SRGAP3: variants seen among roughly 807,000 people sequenced by gnomAD.
SRGAP3 encodes the protein SLIT-ROBO Rho GTPase-activating protein 3.
Under a neutral mutation model 121.1 loss-of-function variants are expected in SRGAP3, and 39 were observed. The observed-to-expected ratio is 0.32, with a 90% CI of 0.25 to 0.42. The LOEUF (loss-of-function observed/expected upper bound fraction) is 0.42. Ranked by LOEUF, SRGAP3 falls within the 10% of genes least tolerant of loss-of-function variation. The pLI, the probability that SRGAP3 is intolerant of heterozygous loss-of-function variation, is 1.00. For synonymous variants in SRGAP3, 601 were observed against 570.0 expected (o/e 1.05, Z -0.77); for missense variants, 1,213 against 1,470.6 (o/e 0.82, Z 2.86).
intron 2 of SRGAP3, among the ~76,000 whole-genome samples, chr3:9,106,427 T>C (rs1003145356): frequency 2.6e-5 from 4 of 152,144 alleles, no homozygotes; most frequent in African/African-American, 4.8e-5. Flanking sequence ...GTGGACCACC[T>C]CCAGGAGCTG....
At chr3:9,336,006 G>A (rs1180070582) in intron 1 of SRGAP3, among the ~76,000 whole-genome samples, 1 of 152,026 alleles carries the variant, frequency 6.6e-6, no homozygotes, top group Non-Finnish European at 1.5e-5. Flanking sequence ...CTATCTCTGG[G>A]GAAAAACACT....
chr3:9,359,335 A>C (rs1359834479), intron 1 of SRGAP3, among the ~76,000 whole-genome samples: 1 of 152,194 alleles, frequency 6.6e-6, no homozygotes, highest in Non-Finnish European at 1.5e-5. Context: ...AGTCTCTTCC[A>C]ACTTGATACC....
rs1003755200 is a variant in SRGAP3, at chr3:9,348,742, A to G, written n.214+14098T>C. On this transcript the variant is annotated intron_variant and non_coding_transcript_variant, in intron 1 of 3. Coordinates refer to the SRGAP3 transcript ENST00000490889. ...GGGGTCTGATCGGTCTCAATAAAGCAGAAACTGCTGCAAAGCATGGTGAGG... is the reference window on the plus strand; with the variant it reads ...GGGGTCTGATCGGTCTCAATAAAGCGGAAACTGCTGCAAAGCATGGTGAGG... The G allele has an allele frequency of 7.6e-6, 10 of 1,321,500 alleles. No individual in the cohort carries two copies. The African/African-American group carries it at 1.4e-4, about 19-fold the overall frequency. The allele number at this position is 1,321,500 out of a possible 1,614,324, so 81.9% of individuals were successfully genotyped here. A position where few individuals can be genotyped will look rare whatever the true frequency, so the allele number is the denominator to read the frequency against.
chr3:9,295,519 A>C (rs1954937864), intron 3 of SRGAP3, among the ~76,000 whole-genome samples: 1 of 152,220 alleles, frequency 6.6e-6, no homozygotes, highest in Non-Finnish European at 1.5e-5. Flanking sequence ...TCATCCTGAG[A>C]GCCCACTAAA....
In SRGAP3 at chr3:8,990,742, G is replaced by A; in HGVS notation, c.2656C>T (p.Pro886Ser). Residue 886 changes from proline (P) to serine (S), a missense_variant, in exon 21 of 22, where the codon CCA (proline) becomes TCA (serine). Physicochemically the swap from Pro to Ser is moderately conservative, Grantham distance 74. Transcript: ENST00000383836. Reference sequence around the variant, plus strand: ...CTGGGGCAGGCAGCAGCCCGGGGTGGTGTGTCTATGCTGGGGCCCAGGCCC... The same window carrying A: ...CTGGGGCAGGCAGCAGCCCGGGGTGATGTGTCTATGCTGGGGCCCAGGCCC... ...PRGLGPSIDT[P>S]PRAAACPSSP... 5.6e-6 allele frequency: 9 copies of A among 1,611,182 alleles called. No homozygotes were observed. The highest frequency in any genetic ancestry group is 1.3e-5 in the African/African-American group (1 of 75,058).
rs189356379 is a variant in SRGAP3 at position 9,040,932 on chromosome 3, G to A, written c.1409-2842C>T. 8.5e-4 allele frequency among the ~76,000 whole-genome samples: 129 copies of A among 152,350 alleles called. 1 individual carries two copies. The highest frequency in any genetic ancestry group is 3.4e-3 in the Middle Eastern group (1 of 294). On this transcript the variant is annotated intron_variant, in intron 10 of 21. Coordinates refer to ENST00000383836, the MANE Select transcript of SRGAP3 (RefSeq NM_014850.4). ...TTGGAAAATACTGTGTTCTGTGAGA[G>A]AAGGAATCTTGTCAGTTCTTAAAAC...
intron 2 of SRGAP3, 42 bp downstream of exon 2, chr3:9,124,683 G>T (rs1160438460): frequency 6.2e-7 from 1 of 1,612,354 alleles, no homozygotes; most frequent in Non-Finnish European, 8.5e-7. Flanking sequence ...GCCCACCCCA[G>T]TGCTGCCTCC....
At chr3:9,246,211 T>C (rs1953817466) in intron 1 of SRGAP3, among the ~76,000 whole-genome samples, 1 of 152,170 alleles carries the variant, frequency 6.6e-6, no homozygotes, top group East Asian at 1.9e-4. Context: ...CAGCACTGTT[T>C]TTAAAAATCA....
At chr3:9,084,390 T>C (rs1324618060) in intron 3 of SRGAP3, among the ~76,000 whole-genome samples, 2 of 152,086 alleles carry the variant, frequency 1.3e-5, no homozygotes, top group African/African-American at 2.4e-5. Context: ...TGTGGTCAAA[T>C]GGAAAGTTTT....
At chr3:9,182,269 T>C (rs550786870) in intron 1 of SRGAP3, among the ~76,000 whole-genome samples, 2 of 151,834 alleles carry the variant, frequency 1.3e-5, no homozygotes, top group African/African-American at 4.8e-5. Flanking sequence ...AAAAGGCTCT[T>C]ATAGAGGTCA....
At chr3:9,051,710 CTT>C (rs36044423) in intron 9 of SRGAP3, among the ~76,000 whole-genome samples, 4,940 of 103,046 alleles carry the variant, frequency 0.048, 224 homozygotes, top group African/African-American at 0.18. Context: ...TTGCTCAATT[CTT>C]TTTTTTTTTT....
At chr3:9,198,197 T>C (rs1022278146) in intron 1 of SRGAP3, among the ~76,000 whole-genome samples, 1 of 152,250 alleles carries the variant, frequency 6.6e-6, no homozygotes, top group Non-Finnish European at 1.5e-5. Flanking sequence ...ATCTGATTTA[T>C]GTTCAGATGT....
chr3:9,356,358 A>AT lies in SRGAP3; in HGVS notation n.214+6481dup, dbSNP rs869098475. Among the ~76,000 whole-genome samples the AT allele has an allele frequency of 3.0e-3, 120 of 39,650 alleles. 5 individuals are homozygous for AT. The highest frequency in any genetic ancestry group is 4.0e-3 in the Non-Finnish European group (107 of 26,588). The allele number at this position is 39,650 out of a possible 152,430, so 26.0% of individuals were successfully genotyped here. A position where few individuals can be genotyped will look rare whatever the true frequency, so the allele number is the denominator to read the frequency against. Reference sequence around the variant, plus strand: ...AGGTATGCACTATCATGGCCAGCTAATTTTTTTTTTTTTTTTTTTTTTTTT... The same window carrying AT: ...AGGTATGCACTATCATGGCCAGCTAATTTTTTTTTTTTTTTTTTTTTTTTTT... On this transcript the variant is annotated intron_variant and non_coding_transcript_variant, in intron 1 of 3. Coordinates refer to the SRGAP3 transcript ENST00000490889.
chr3:9,354,571 A>T (rs1244684580), intron 1 of SRGAP3, among the ~76,000 whole-genome samples: 1 of 151,798 alleles, frequency 6.6e-6, no homozygotes, highest in African/African-American at 2.4e-5. Flanking sequence ...ACTCCCAGCT[A>T]CTGAGGAGGC....
chr3:9,259,549 T>A (rs1050373264), intron 3 of SRGAP3, among the ~76,000 whole-genome samples: 1 of 152,158 alleles, frequency 6.6e-6, no homozygotes, highest in African/African-American at 2.4e-5. Context: ...GCTCAAAGGA[T>A]CTTCCTGCCT....
intron 3 of SRGAP3, among the ~76,000 whole-genome samples, chr3:9,084,326 G>A (rs895079316): frequency 1.3e-5 from 2 of 152,176 alleles, no homozygotes; most frequent in South Asian, 2.1e-4. Flanking sequence ...TCTGGTGTGT[G>A]TTATTAGTCC....
intron 4 of SRGAP3, among the ~76,000 whole-genome samples, chr3:9,070,507 A>T (rs1435770558): frequency 6.6e-6 from 1 of 152,246 alleles, no homozygotes; most frequent in Middle Eastern, 3.2e-3. Context: ...TATTTGCATG[A>T]ATGAATGACT....
At chr3:9,003,136 T>C (rs1316703670) in intron 18 of SRGAP3, among the ~76,000 whole-genome samples, 1 of 152,176 alleles carries the variant, frequency 6.6e-6, no homozygotes, top group Non-Finnish European at 1.5e-5. Context: ...ACAAGAAAAC[T>C]ACAGACCAGT....
chr3:9,243,715 G>C (rs970206158), intron 1 of SRGAP3, among the ~76,000 whole-genome samples: 2 of 151,794 alleles, frequency 1.3e-5, no homozygotes, highest in African/African-American at 2.4e-5. Context: ...CTATCACAGA[G>C]AAAATGACTG....
Sources: gnomAD v4.1 joint callset for allele counts (sites outside exome capture counted in the v4.1 genomes callset) on GRCh38, gnomAD v4.1.1 for gene constraint, MANE v1.5 for transcripts, NCBI Gene and HGNC (gene_info 2026-07-23, HGNC 2026-07-21) for gene names.